Variants in HCN4 observed in about 807,000 individuals in gnomAD.
HCN4 encodes the protein potassium/sodium hyperpolarization-activated cyclic nucleotide-gated channel 4.
Under a neutral mutation model 76.9 loss-of-function variants are expected in HCN4, and 29 were observed. That is an observed-to-expected ratio of 0.38 (90% CI 0.28 to 0.51). HCN4 has a LOEUF of 0.51. Among genes scored for constraint, HCN4 ranks in the 20% least tolerant of loss-of-function variants. The pLI is 0.90. For missense variants in HCN4, 1,416 were observed against 1,715.2 expected (o/e 0.83, Z 3.08); for synonymous variants, 772 against 762.5 (o/e 1.01, Z -0.21).
Position 73,343,882 on chromosome 15 carries a change from A to C in HCN4, c.786-74T>G. On this transcript the variant is annotated intron_variant, in intron 1 of 7. Coordinates refer to ENST00000261917, the MANE Select transcript of HCN4 (RefSeq NM_005477.3). The surrounding 1 kb of genome is among the most constrained non-coding windows in gnomAD (Gnocchi z 5.7). ...TTACAGACTAAGGGAGGAAGATCTG[A>C]GGGACAGCATCTGGGACAGAGAAGT... 6.7e-7 allele frequency: 1 copy of C among 1,495,228 alleles called. No homozygotes were observed. The allele number at this position is 1,495,228 out of a possible 1,614,324, so 92.6% of individuals were successfully genotyped here.
chr15:73,325,514 G>A lies in HCN4; in HGVS notation c.1591-70C>T, dbSNP rs922217880. ...CGTCAGCAGCCAGCCCCACCACCTC[G>A]GCAGGCACCACATCCGGGCACCCAC... On this transcript the variant is annotated intron_variant, in intron 4 of 7. Coordinates refer to ENST00000261917, the MANE Select transcript of HCN4 (RefSeq NM_005477.3). The surrounding 1 kb of genome is among the most constrained non-coding windows in gnomAD (Gnocchi z 7.4). The A allele has an allele frequency of 6.0e-5, 92 of 1,526,998 alleles. No homozygotes were observed. The highest frequency in any genetic ancestry group is 5.1e-4 in the Middle Eastern group (3 of 5,902). The allele number at this position is 1,526,998 out of a possible 1,614,324, so 94.6% of individuals were successfully genotyped here.
In HCN4 at chr15:73,325,492, C is replaced by T; in HGVS notation, c.1591-48G>A. 3 of 1,605,354 alleles carry T rather than the reference C, an allele frequency of 1.9e-6. No homozygotes were observed. The highest frequency in any genetic ancestry group is 4.5e-5 in the East Asian group (2 of 44,822). ...TCAGCTCCACCCCACCAGGGGGCGT[C>T]AGCAGCCAGCCCCACCACCTCGGCA... On this transcript the variant is annotated intron_variant, in intron 4 of 7. Coordinates refer to ENST00000261917, the MANE Select transcript of HCN4 (RefSeq NM_005477.3). The surrounding 1 kb of genome is among the most constrained non-coding windows in gnomAD (Gnocchi z 7.4).
chr15:73,340,136 G>C (rs2042991764), intron 2 of HCN4, among the ~76,000 whole-genome samples: 1 of 152,080 alleles, frequency 6.6e-6, no homozygotes, highest in African/African-American at 2.4e-5. Context: ...GTGCCCAAGA[G>C]GGTGGCCTGG....
chr15:73,337,488 T>C (rs894623235), intron 2 of HCN4, among the ~76,000 whole-genome samples: 2 of 152,200 alleles, frequency 1.3e-5, no homozygotes, highest in Admixed American at 1.3e-4. Flanking sequence ...TTTGGACAGA[T>C]CACGCTGGGC....
At position 73,322,998 on chromosome 15, in the gene HCN4, G is replaced by A. The variant is rs1463237931; in HGVS notation, c.3095C>T (p.Pro1032Leu). The A allele has an allele frequency of 2.1e-6, 3 of 1,459,418 alleles. No homozygotes were observed. The highest frequency in any genetic ancestry group is 1.8e-6 in the Non-Finnish European group (2 of 1,106,582). 90.4% of individuals were successfully genotyped at this position (1,459,418 alleles called of 1,614,324 possible). Residue 1032 changes from proline (P) to leucine (L), a missense_variant, in exon 8 of 8, where the codon CCA (proline) becomes CTA (leucine). Transcript: ENST00000261917. ...ACTCGGGAAGGTTCTTGGGGGGCCT[G>A]GGCTGTGGCCAGGGGGGCTGAGACC... The part of the protein sequence containing the change: ...RGGLSPPGHS[P>L]GPPRTFPSAP...
intron 1 of HCN4, among the ~76,000 whole-genome samples, chr15:73,354,891 T>C (rs966991438): frequency 1.1e-4 from 17 of 152,148 alleles, no homozygotes; most frequent in African/African-American, 3.9e-4. Context: ...GCCCTCAATA[T>C]AGAGGATGGA....
In HCN4 at chr15:73,367,631, T is replaced by A. The variant is rs762586116; in HGVS notation, c.640A>T (p.Met214Leu). ...AEVRLGQAGF[M>L]QRQFGAMLQP... Reference sequence around the variant, plus strand: ...AGCATGGCCCCGAACTGGCGCTGCATGAAGCCGGCCTGGCCCAGGCGCACC... The same window carrying A: ...AGCATGGCCCCGAACTGGCGCTGCAAGAAGCCGGCCTGGCCCAGGCGCACC... The change falls in exon 1 of 8, where the codon ATG becomes TTG. Residue 214 changes from methionine to leucine, a missense_variant. Physicochemically the swap from Met to Leu is conservative, Grantham distance 15 (BLOSUM62 2). Coordinates refer to ENST00000261917, the MANE Select transcript of HCN4 (RefSeq NM_005477.3). This position sits in a 1 kb window ranked among gnomAD's most constrained non-coding sequence, Gnocchi z 7.5. 6 of 1,612,492 alleles carry A rather than the reference T, an allele frequency of 3.7e-6. No individual in the cohort carries two copies. The highest frequency in any genetic ancestry group is 5.1e-6 in the Non-Finnish European group (6 of 1,179,976).
At chr15:73,340,285 C>T (rs1250655289) in intron 2 of HCN4, among the ~76,000 whole-genome samples, 1 of 152,148 alleles carries the variant, frequency 6.6e-6, no homozygotes, top group Non-Finnish European at 1.5e-5. Context: ...CTACAAAAGA[C>T]CACAGCCCTC....
intron 2 of HCN4, among the ~76,000 whole-genome samples, chr15:73,337,625 G>A (rs921660981): frequency 8.6e-5 from 13 of 152,014 alleles, no homozygotes; most frequent in African/African-American, 1.7e-4. Context: ...TGCCTTTATC[G>A]TGATCTCAGC....
intron 2 of HCN4, chr15:73,341,071 T>TA (rs1555477064): frequency 5.4e-5 from 1 of 18,620 alleles, no homozygotes. Context: ...GGGAGGTAGG[T>TA]GTGTGTGTGT....
In HCN4 at chr15:73,322,887, C is replaced by T. The variant is rs760242560; in HGVS notation, c.3206G>A (p.Arg1069Gln). Residue 1069 changes from arginine to glutamine, a missense_variant, in exon 8 of 8, where the codon CGG becomes CAG. Physicochemically the swap from Arg to Gln is conservative, Grantham distance 43. This residue lies in a region of HCN4 where 633 missense variants were observed against 579.8 expected (regional missense o/e 1.09). Coordinates refer to ENST00000261917, the MANE Select transcript of HCN4 (RefSeq NM_005477.3). ...SPPPPQVPQR[R>Q]GTPPLTPGRL... Reference sequence around the variant, plus strand: ...GCCGGGGGTGAGCGGGGGTGTGCCCCGGCGCTGGGGGACCTGGGGTGGTGG... The same window carrying T: ...GCCGGGGGTGAGCGGGGGTGTGCCCTGGCGCTGGGGGACCTGGGGTGGTGG... The T allele has an allele frequency of 7.0e-6, 10 of 1,435,946 alleles. No individual in the cohort carries two copies. The highest frequency in any genetic ancestry group is 5.5e-5 in the Admixed American group (2 of 36,164). The allele number at this position is 1,435,946 out of a possible 1,614,324, so 89.0% of individuals were successfully genotyped here. A position where few individuals can be genotyped will look rare whatever the true frequency, so the allele number is the denominator to read the frequency against.
At chr15:73,356,685 C>G (rs2043082707) in intron 1 of HCN4, among the ~76,000 whole-genome samples, 1 of 152,038 alleles carries the variant, frequency 6.6e-6, no homozygotes, top group African/African-American at 2.4e-5. Context: ...TCTGGGGCAT[C>G]TGGGGACACA....
Position 73,328,856 on chromosome 15 carries a change from G to C in HCN4, c.1590+717C>G, listed in dbSNP as rs953102717. On this transcript the variant is annotated intron_variant, in intron 4 of 7. Transcript: ENST00000261917. The surrounding 1 kb of genome is among the most constrained non-coding windows in gnomAD (Gnocchi z 4.0). Reference sequence around the variant, plus strand: ...GAGGTAGGCATTGATGACAGAGAGAGGCCAGGGATGGCTCCTAGTCTCTGG... The same window carrying C: ...GAGGTAGGCATTGATGACAGAGAGACGCCAGGGATGGCTCCTAGTCTCTGG... Among the ~76,000 whole-genome samples the C allele has an allele frequency of 1.3e-5, 2 of 152,186 alleles. No individual in the cohort carries two copies. Among genetic ancestry groups the C allele is most frequent in the African/African-American group, 4.8e-5 (2 of 41,456 alleles).
rs1269011332 is a variant in HCN4 at position 73,320,928 on chromosome 15, T to TAA, written c.*1551_*1552dup. 1 of 152,270 alleles carries TAA rather than the reference T, an allele frequency of 6.6e-6. No individual in the cohort carries two copies. Among genetic ancestry groups the TAA allele is most frequent in the African/African-American group, 2.4e-5 (1 of 41,444 alleles). 9.4% of individuals were successfully genotyped at this position (152,270 alleles called of 1,614,324 possible). On this transcript the variant is annotated 3_prime_UTR_variant, in exon 8 of 8. Coordinates refer to ENST00000261917, the MANE Select transcript of HCN4 (RefSeq NM_005477.3). ...AGCCACCTCCTGAGTCCTGAGATTT[T>TAA]AAGTCTTGGAGCCCTCAGCCAAAGC...
At chr15:73,359,178 G>C (rs2043094093) in intron 1 of HCN4, among the ~76,000 whole-genome samples, 1 of 152,214 alleles carries the variant, frequency 6.6e-6, no homozygotes, top group Admixed American at 6.5e-5. Context: ...AGGCCCCGCT[G>C]CTTGCTCTGC....
At position 73,367,367 on chromosome 15, in the gene HCN4, C is replaced by G. The variant is rs1437156448; in HGVS notation, c.785+119G>C. On this transcript the variant is annotated intron_variant, in intron 1 of 7. Coordinates refer to ENST00000261917, the MANE Select transcript of HCN4 (RefSeq NM_005477.3). The surrounding 1 kb of genome is among the most constrained non-coding windows in gnomAD (Gnocchi z 7.5). ...GTCTCGGAGCCTAGAGGCGCCCTGC[C>G]TCTCTTGGAGCTCCCAGCGCAAGGC... 2.9e-5 allele frequency: 43 copies of G among 1,496,920 alleles called. No homozygotes were observed. The highest frequency in any genetic ancestry group is 3.6e-5 in the Non-Finnish European group (40 of 1,110,316). 92.7% of individuals were successfully genotyped at this position (1,496,920 alleles called of 1,614,324 possible). A position where few individuals can be genotyped will look rare whatever the true frequency, so the allele number is the denominator to read the frequency against.
At chr15:73,329,938 C>T (rs2042922974) in intron 3 of HCN4, 147 bp from the exon 4 acceptor site, 1 of 675,736 alleles carries the variant, frequency 1.5e-6, no homozygotes, top group Non-Finnish European at 2.6e-6. Flanking sequence ...GGCTGAAAGC[C>T]TTGGGTGAGA....
At chr15:73,354,254 G>T (rs577534964) in intron 1 of HCN4, among the ~76,000 whole-genome samples, 31 of 152,252 alleles carry the variant, frequency 2.0e-4, no homozygotes, top group African/African-American at 7.5e-4. Flanking sequence ...CTCTTCTAAG[G>T]TACCTCCCCA....
intron 2 of HCN4, among the ~76,000 whole-genome samples, chr15:73,341,276 G>C (rs1378175219): frequency 6.6e-6 from 1 of 151,872 alleles, no homozygotes. Context: ...GAGTAGCTGG[G>C]ATTACAGGCG....
Sources: allele counts gnomAD v4.1 joint callset (sites outside exome capture counted in the v4.1 genomes callset), GRCh38; gene constraint gnomAD v4.1.1; regional missense constraint gnomAD v4.1.1; non-coding constraint Gnocchi (gnomAD v3.1); transcripts MANE v1.5; gene names NCBI Gene and HGNC (gene_info 2026-07-23, HGNC 2026-07-21).